Variants in DPP10 observed in about 807,000 individuals in gnomAD.
The protein encoded by DPP10 is inactive dipeptidyl peptidase 10.
In DPP10, 33 loss-of-function variants were observed where a neutral mutation model predicts 120.9. The ratio of observed to expected loss-of-function variants is 0.27; its 90% CI spans 0.21 to 0.37. The LOEUF is 0.37. Ranked by LOEUF, DPP10 falls within the 10% of genes least tolerant of loss-of-function variation. DPP10 has a pLI of 1.00. For synonymous variants in DPP10, 337 were observed against 326.1 expected (o/e 1.03, Z -0.36); for missense variants, 816 against 942.8 (o/e 0.87, Z 1.76).
chr2:115,128,494 T>C (rs1353527513), intron 1 of DPP10, among the ~76,000 whole-genome samples: 1 of 152,144 alleles, frequency 6.6e-6, no homozygotes, highest in African/African-American at 2.4e-5. Context: ...ACTAAGACCC[T>C]GAGATATTGA....
At chr2:114,953,642 A>C (rs1486035690) in intron 1 of DPP10, among the ~76,000 whole-genome samples, 2 of 152,140 alleles carry the variant, frequency 1.3e-5, no homozygotes, top group African/African-American at 4.8e-5. Context: ...CAGCATGTGC[A>C]TGTCATATGT....
chr2:115,551,715 G>A (rs1003609012), intron 5 of DPP10, among the ~76,000 whole-genome samples: 3 of 151,966 alleles, frequency 2.0e-5, no homozygotes, highest in Admixed American at 6.6e-5. Flanking sequence ...CAAACTATGG[G>A]AATCCAATGT....
chr2:115,596,473 G>A (rs945294370), intron 5 of DPP10, among the ~76,000 whole-genome samples: 2 of 151,958 alleles, frequency 1.3e-5, no homozygotes, highest in African/African-American at 2.4e-5. Context: ...GCTTATAAAT[G>A]TGTATAAACA....
intron 1 of DPP10, among the ~76,000 whole-genome samples, chr2:115,067,409 G>T (rs1706960962): frequency 6.6e-6 from 1 of 150,966 alleles, no homozygotes; most frequent in Non-Finnish European, 1.5e-5. Context: ...CCGCCACCAC[G>T]CCCGGCTAAT....
intron 1 of DPP10, among the ~76,000 whole-genome samples, chr2:114,867,003 T>C (rs938925595): frequency 3.3e-5 from 5 of 152,218 alleles, no homozygotes; most frequent in African/African-American, 9.6e-5. Flanking sequence ...ACCTGACATA[T>C]AGCCATCGTT....
At chr2:115,686,512 C>T (rs549378076) in intron 5 of DPP10, among the ~76,000 whole-genome samples, 1 of 152,106 alleles carries the variant, frequency 6.6e-6, no homozygotes, top group East Asian at 1.9e-4. Flanking sequence ...AGTGTTTATG[C>T]TGAGAATACA....
At chr2:115,820,421 A>ATTTTTT (rs577009474) in intron 21 of DPP10, among the ~76,000 whole-genome samples, 4 of 146,854 alleles carry the variant, frequency 2.7e-5, no homozygotes, top group African/African-American at 7.5e-5. Context: ...TAGTGAATTG[A>ATTTTTT]TTTTTTTTTC....
intron 3 of DPP10, among the ~76,000 whole-genome samples, chr2:115,415,840 TTTATATA>T (rs1261646933): frequency 1.2e-3 from 104 of 83,424 alleles, no homozygotes; most frequent in African/African-American, 5.0e-3. Flanking sequence ...CTGATTTGCT[TTTATATA>T]TATATATATA....
At chr2:115,726,611 T>C (rs138434448) in intron 7 of DPP10, among the ~76,000 whole-genome samples, 1,563 of 152,234 alleles carry the variant, frequency 0.01, 26 homozygotes, top group African/African-American at 0.036. Flanking sequence ...CTTACTCTGA[T>C]ATTGAGATTC....
chr2:114,716,423 C>T (rs1015087661), intron 1 of DPP10, among the ~76,000 whole-genome samples: 3 of 152,070 alleles, frequency 2.0e-5, no homozygotes, highest in African/African-American at 2.4e-5. Context: ...CATCTAAACC[C>T]GAAAACAATA....
chr2:115,275,371 A>G (rs540730679), intron 1 of DPP10, among the ~76,000 whole-genome samples: 78 of 152,300 alleles, frequency 5.1e-4, no homozygotes, highest in Non-Finnish European at 1.0e-3. Context: ...TACATAACGA[A>G]TCTATCGATG....
chr2:114,855,593 C>A (rs986234812), intron 1 of DPP10, among the ~76,000 whole-genome samples: 2 of 152,080 alleles, frequency 1.3e-5, no homozygotes, highest in African/African-American at 4.8e-5. Context: ...TGTGTGTGTG[C>A]GTTCTTCACA....
At position 115,139,720 on chromosome 2, in the gene DPP10, A is replaced by T. The variant is rs558819400; in HGVS notation, c.61-169519A>T. Among the ~76,000 whole-genome samples the T allele has an allele frequency of 2.2e-5, 3 of 137,482 alleles. No individual in the cohort carries two copies. The South Asian group carries it at 7.5e-4, about 34-fold the overall frequency. The allele number at this position is 137,482 out of a possible 152,430, so 90.2% of individuals were successfully genotyped here. ...TGGAAGGTAGATCTAAGAAGTAAAA[A>T]TACTAAAAAAAAAAAAAAAAAAAAA... On this transcript the variant is annotated intron_variant, in intron 1 of 25. Coordinates refer to ENST00000410059, the MANE Select transcript of DPP10 (RefSeq NM_020868.6).
intron 1 of DPP10, among the ~76,000 whole-genome samples, chr2:114,521,127 A>G (rs908895976): frequency 1.2e-4 from 18 of 152,274 alleles, no homozygotes; most frequent in Non-Finnish European, 2.6e-4. Context: ...AAAATAAATA[A>G]AAAATATAGC....
chr2:114,613,017 T>C (rs930047316), intron 1 of DPP10, among the ~76,000 whole-genome samples: 1 of 152,164 alleles, frequency 6.6e-6, no homozygotes, highest in Non-Finnish European at 1.5e-5. Flanking sequence ...ATCTAATCAC[T>C]AAAATTATTA....
At chr2:115,397,303 A>T (rs184861066) in intron 3 of DPP10, among the ~76,000 whole-genome samples, 51 of 152,342 alleles carry the variant, frequency 3.3e-4, no homozygotes, top group African/African-American at 9.9e-4. Flanking sequence ...GAACAAATCA[A>T]TTAAAAACCT....
At chr2:115,839,603 G>A (rs976017832) in intron 24 of DPP10, among the ~76,000 whole-genome samples, 15 of 149,780 alleles carry the variant, frequency 1.0e-4, no homozygotes, top group African/African-American at 3.7e-4. Context: ...GAACCTGGGA[G>A]GCAGAGGTTG....
intron 1 of DPP10, among the ~76,000 whole-genome samples, chr2:114,830,245 G>A (rs1686973378): frequency 6.6e-6 from 1 of 151,590 alleles, no homozygotes; most frequent in Non-Finnish European, 1.5e-5. Flanking sequence ...TGGGGCCATC[G>A]AGTACCCCCC....
intron 1 of DPP10, among the ~76,000 whole-genome samples, chr2:114,653,859 G>C (rs747910918): frequency 6.6e-6 from 1 of 152,090 alleles, no homozygotes; most frequent in Non-Finnish European, 1.5e-5. Context: ...GATTCTCTTC[G>C]GGAATCCCTG....
Sources: allele counts gnomAD v4.1 joint callset (sites outside exome capture counted in the v4.1 genomes callset), GRCh38; gene constraint gnomAD v4.1.1; transcripts MANE v1.5; gene names NCBI Gene and HGNC (gene_info 2026-07-23, HGNC 2026-07-21).